Variants in EXOC4 observed in about 807,000 individuals in gnomAD.
The protein encoded by EXOC4 is SEC8-like 1.
EXOC4 carries 71 observed loss-of-function variants against 107.2 expected under a neutral mutation model. That is an observed-to-expected ratio of 0.66 (90% CI 0.55 to 0.81). The LOEUF (loss-of-function observed/expected upper bound fraction) is 0.81. Among genes scored for constraint, EXOC4 ranks in the 30% least tolerant of loss-of-function variants. EXOC4 has a pLI of 0.00. For synonymous variants in EXOC4, 456 were observed against 441.2 expected (o/e 1.03, Z -0.42); for missense variants, 1,108 against 1,189.6 (o/e 0.93, Z 1.01).
At chr7:134,034,239 G>C (rs1215728196) in intron 17 of EXOC4, among the ~76,000 whole-genome samples, 1 of 151,986 alleles carries the variant, frequency 6.6e-6, no homozygotes, top group Non-Finnish European at 1.5e-5. Flanking sequence ...GGTTGAAAAA[G>C]AACCTAAGAT....
At chr7:133,560,091 A>AAAACATAAGGAC (rs1381016343) in intron 9 of EXOC4, among the ~76,000 whole-genome samples, 2 of 152,172 alleles carry the variant, frequency 1.3e-5, no homozygotes, top group African/African-American at 4.8e-5. Context: ...TTTGGCTTAG[A>AAAACATAAGGAC]AAACTGTAGG....
chr7:133,399,570 A>G (rs1797044849), intron 7 of EXOC4, among the ~76,000 whole-genome samples: 1 of 152,228 alleles, frequency 6.6e-6, no homozygotes, highest in East Asian at 1.9e-4. Flanking sequence ...GTATGTTCCA[A>G]AAGTGTTATC....
intron 9 of EXOC4, among the ~76,000 whole-genome samples, chr7:133,563,880 G>T (rs1465191157): frequency 6.6e-6 from 1 of 152,128 alleles, no homozygotes; most frequent in Non-Finnish European, 1.5e-5. Flanking sequence ...ACTGATTTTT[G>T]ACACTGGCCA....
intron 9 of EXOC4, among the ~76,000 whole-genome samples, chr7:133,527,260 C>T (rs563229016): frequency 2.6e-5 from 4 of 151,052 alleles, no homozygotes; most frequent in South Asian, 4.2e-4. Flanking sequence ...AAAAATTAGC[C>T]GAGCATGGTG....
At chr7:133,331,863 G>A (rs984530267) in intron 5 of EXOC4, among the ~76,000 whole-genome samples, 1 of 152,136 alleles carries the variant, frequency 6.6e-6, no homozygotes, top group African/African-American at 2.4e-5. Context: ...AATATGTAGG[G>A]CATGTATTTT....
chr7:133,844,770 T>A (rs533597524), intron 11 of EXOC4, among the ~76,000 whole-genome samples: 1 of 152,006 alleles, frequency 6.6e-6, no homozygotes, highest in African/African-American at 2.4e-5. Context: ...TAGAACAACA[T>A]CAAAGTATCA....
chr7:134,090,621 C>A, the EXOC4 span, among the ~76,000 whole-genome samples: 1 of 152,084 alleles, frequency 6.6e-6, no homozygotes. Context: ...AAGAGCTCAG[C>A]GAGACCAGAG....
chr7:133,503,080 C>T (rs994250882), intron 9 of EXOC4, among the ~76,000 whole-genome samples: 1 of 151,988 alleles, frequency 6.6e-6, no homozygotes, highest in African/African-American at 2.4e-5. Context: ...GATTGCTTGC[C>T]TATTGGTCTT....
chr7:133,788,388 A>AT (rs908175714), intron 10 of EXOC4, among the ~76,000 whole-genome samples: 3 of 149,786 alleles, frequency 2.0e-5, no homozygotes, highest in Non-Finnish European at 3.0e-5. Flanking sequence ...AAACTCATGA[A>AT]TTTTTTTTTT....
intron 10 of EXOC4, among the ~76,000 whole-genome samples, chr7:133,633,198 C>T (rs1227233811): frequency 6.6e-6 from 1 of 152,108 alleles, no homozygotes; most frequent in Admixed American, 6.6e-5. Flanking sequence ...AGTGGGATGT[C>T]CTATACCTTG....
chr7:133,940,655 A>G (rs934431045), intron 14 of EXOC4, among the ~76,000 whole-genome samples: 3 of 152,220 alleles, frequency 2.0e-5, no homozygotes, highest in Non-Finnish European at 2.9e-5. Context: ...TTGAATTCCC[A>G]GGAGAGATGC....
At chr7:133,519,169 A>G (rs1799935736) in intron 9 of EXOC4, among the ~76,000 whole-genome samples, 2 of 152,002 alleles carry the variant, frequency 1.3e-5, no homozygotes, top group African/African-American at 4.8e-5. Flanking sequence ...AATCCCAGCA[A>G]TTTGGGAGGC....
chr7:133,846,103 G>C (rs1012989654), intron 11 of EXOC4, among the ~76,000 whole-genome samples: 1 of 152,052 alleles, frequency 6.6e-6, no homozygotes, highest in South Asian at 2.1e-4. Context: ...TCTGAAGTTG[G>C]TCTTCAATCA....
intron 7 of EXOC4, among the ~76,000 whole-genome samples, chr7:133,450,355 G>A (rs1304407070): frequency 1.3e-5 from 2 of 152,052 alleles, no homozygotes; most frequent in Admixed American, 6.6e-5. Context: ...TAGAGATGGG[G>A]TTTTGCTTTC....
At chr7:133,318,824 T>G (rs1055925321) in intron 5 of EXOC4, among the ~76,000 whole-genome samples, 9 of 152,234 alleles carry the variant, frequency 5.9e-5, no homozygotes, top group Non-Finnish European at 1.0e-4. Flanking sequence ...CTTTGTTTAA[T>G]TAGTAGCCAA....
At chr7:133,848,881 C>T (rs145192973) in intron 11 of EXOC4, among the ~76,000 whole-genome samples, 46 of 152,232 alleles carry the variant, frequency 3.0e-4, no homozygotes, top group African/African-American at 1.1e-3. Context: ...CAGAACCTCG[C>T]ATGTGGTAGG....
At chr7:133,897,189 C>T in intron 12 of EXOC4, among the ~76,000 whole-genome samples, 1 of 151,984 alleles carries the variant, frequency 6.6e-6, no homozygotes, top group African/African-American at 2.4e-5. Flanking sequence ...CAGAGGAATA[C>T]AACATAGATT....
At chr7:133,851,902 T>A (rs926791616) in intron 11 of EXOC4, among the ~76,000 whole-genome samples, 1 of 152,186 alleles carries the variant, frequency 6.6e-6, no homozygotes, top group Non-Finnish European at 1.5e-5. Context: ...TATACTGCTG[T>A]TAGTCCAGCC....
At chr7:133,861,017 A>G (rs1798522479) in intron 11 of EXOC4, among the ~76,000 whole-genome samples, 1 of 152,214 alleles carries the variant, frequency 6.6e-6, no homozygotes, top group Non-Finnish European at 1.5e-5. Context: ...CCATCCAAAG[A>G]TATCCAAATA....
Sources: gnomAD v4.1 joint callset for allele counts (sites outside exome capture counted in the v4.1 genomes callset) on GRCh38, gnomAD v4.1.1 for gene constraint, MANE v1.5 for transcripts, NCBI Gene and HGNC (gene_info 2026-07-23, HGNC 2026-07-21) for gene names.